Variants in FBXL17 observed in about 807,000 individuals in gnomAD.
FBXL17 encodes F-box/LRR-repeat protein 17.
Under a neutral mutation model 66.2 loss-of-function variants are expected in FBXL17, and 22 were observed. That is an observed-to-expected ratio of 0.33 (90% CI 0.24 to 0.47). The LOEUF is 0.47. Among genes scored for constraint, FBXL17 ranks in the 20% least tolerant of loss-of-function variants. FBXL17 has a pLI of 1.00. For synonymous variants in FBXL17, 474 were observed against 400.5 expected, an observed-to-expected ratio of 1.18 and a Z score of -2.19; for missense variants, 878 against 948.2, an observed-to-expected ratio of 0.93 and a Z score of 0.97.
chr5:107,980,889 CCGCCT>C (rs1462747337), intron 7 of FBXL17, among the ~76,000 whole-genome samples: 1 of 151,292 alleles, frequency 6.6e-6, no homozygotes, highest in Non-Finnish European at 1.5e-5. Context: ...CGTGATCCGC[CCGCCT>C]CGGCCTCCCA....
chr5:108,332,550 T>C (rs1225866154), intron 4 of FBXL17, among the ~76,000 whole-genome samples: 1 of 152,082 alleles, frequency 6.6e-6, no homozygotes, highest in Non-Finnish European at 1.5e-5. Context: ...AATACTATCA[T>C]ATTGGTTTCA....
At chr5:108,034,492 C>A (rs1746764435) in intron 6 of FBXL17, among the ~76,000 whole-genome samples, 1 of 152,156 alleles carries the variant, frequency 6.6e-6, no homozygotes, top group African/African-American at 2.4e-5. Flanking sequence ...TACCTCCCAG[C>A]AGTTTTCTTC....
At chr5:108,370,510 C>T (rs1405775776) in intron 1 of FBXL17, among the ~76,000 whole-genome samples, 9 of 151,944 alleles carry the variant, frequency 5.9e-5, no homozygotes, top group African/African-American at 1.9e-4. Context: ...TTTGGGAGGC[C>T]GAGGCAGGTG....
At chr5:108,273,517 T>C (rs1757362455) in intron 4 of FBXL17, among the ~76,000 whole-genome samples, 1 of 152,012 alleles carries the variant, frequency 6.6e-6, no homozygotes. Flanking sequence ...GGAGAAACTA[T>C]TCAGTTACTA....
At chr5:108,118,461 C>T (rs1183277273) in intron 6 of FBXL17, among the ~76,000 whole-genome samples, 1 of 152,204 alleles carries the variant, frequency 6.6e-6, no homozygotes, top group African/African-American at 2.4e-5. Context: ...TCAGCCTCCA[C>T]ATGGGTAAGA....
intron 5 of FBXL17, among the ~76,000 whole-genome samples, chr5:108,220,434 G>C (rs1393923762): frequency 6.6e-6 from 1 of 152,086 alleles, no homozygotes; most frequent in African/African-American, 2.4e-5. Flanking sequence ...CCGTATCATA[G>C]GGATCATTGT....
At chr5:108,254,166 T>G (rs773100213) in intron 4 of FBXL17, among the ~76,000 whole-genome samples, 4 of 152,328 alleles carry the variant, frequency 2.6e-5, no homozygotes, top group Admixed American at 2.6e-4. Flanking sequence ...CAAGTTGCAT[T>G]ATATACTAAA....
chr5:108,047,864 T>A (rs1196276111), intron 6 of FBXL17, among the ~76,000 whole-genome samples: 1 of 152,282 alleles, frequency 6.6e-6, no homozygotes, highest in African/African-American at 2.4e-5. Context: ...CCTTTCCTCC[T>A]AATAGTTCTG....
At chr5:107,960,135 C>T (rs934492307) in intron 7 of FBXL17, among the ~76,000 whole-genome samples, 1 of 152,110 alleles carries the variant, frequency 6.6e-6, no homozygotes, top group Non-Finnish European at 1.5e-5. Flanking sequence ...AGTTACCTTG[C>T]TTTTCATCTG....
intron 6 of FBXL17, among the ~76,000 whole-genome samples, chr5:108,033,921 AT>A (rs1278109509): frequency 6.6e-6 from 1 of 152,214 alleles, no homozygotes; most frequent in Non-Finnish European, 1.5e-5. Flanking sequence ...ATTGGGTAAT[AT>A]TTTTAAAGTA....
intron 7 of FBXL17, among the ~76,000 whole-genome samples, chr5:107,952,853 TG>T (rs1255626012): frequency 6.6e-6 from 1 of 152,214 alleles, no homozygotes. Flanking sequence ...ACTTTCCTGA[TG>T]CATAATATAT....
intron 4 of FBXL17, among the ~76,000 whole-genome samples, chr5:108,331,938 T>A (rs13174270): frequency 0.28 from 42,533 of 152,104 alleles, 6,536 homozygotes; most frequent in Middle Eastern, 0.37. Flanking sequence ...CTGAAATAAT[T>A]TGATGTGAAA....
intron 6 of FBXL17, among the ~76,000 whole-genome samples, chr5:108,136,508 G>C (rs893419345): frequency 6.6e-6 from 1 of 152,144 alleles, no homozygotes; most frequent in Non-Finnish European, 1.5e-5. Flanking sequence ...TTCTTGCTCA[G>C]TCAAGCAATA....
chr5:108,222,672 CTTTTTT>C (rs34291617), intron 5 of FBXL17, among the ~76,000 whole-genome samples: 2 of 117,402 alleles, frequency 1.7e-5, no homozygotes, highest in African/African-American at 6.4e-5. Context: ...ACTATGGCAT[CTTTTTT>C]TTTTTTTTTT....
chr5:108,281,137 G>A (rs1489993609), intron 4 of FBXL17, among the ~76,000 whole-genome samples: 1 of 151,528 alleles, frequency 6.6e-6, no homozygotes, highest in Non-Finnish European at 1.5e-5. Flanking sequence ...AATGATAAAG[G>A]CTGGACTTAA....
At chr5:107,999,413 T>C (rs1176587592) in intron 7 of FBXL17, among the ~76,000 whole-genome samples, 4 of 151,030 alleles carry the variant, frequency 2.6e-5, no homozygotes, top group South Asian at 4.2e-4. Flanking sequence ...TGTGGGATGC[T>C]TTTTTGAAAT....
intron 4 of FBXL17, among the ~76,000 whole-genome samples, chr5:108,320,272 T>C (rs1020160047): frequency 6.6e-6 from 1 of 151,718 alleles, no homozygotes. Context: ...AGGTCTGGTA[T>C]AGCTATAAAA....
intron 7 of FBXL17, among the ~76,000 whole-genome samples, chr5:107,955,738 C>CAA (rs1199847799): frequency 6.6e-6 from 1 of 152,132 alleles, no homozygotes; most frequent in Non-Finnish European, 1.5e-5. Context: ...TGCTCAGAGA[C>CAA]AGAGATTCTC....
chr5:108,235,625 G>T (rs1755565925), intron 4 of FBXL17, among the ~76,000 whole-genome samples: 2 of 152,080 alleles, frequency 1.3e-5, no homozygotes, highest in Non-Finnish European at 2.9e-5. Context: ...TCCTCCAGTG[G>T]TACTCTTAAA....
Sources: gnomAD v4.1 joint callset for allele counts (sites outside exome capture counted in the v4.1 genomes callset) on GRCh38, gnomAD v4.1.1 for gene constraint, MANE v1.5 for transcripts, NCBI Gene and HGNC (gene_info 2026-07-23, HGNC 2026-07-21) for gene names.